ZSWIM7: variants seen among roughly 807,000 people sequenced by gnomAD.
The protein encoded by ZSWIM7 is zinc finger SWIM-type containing 7.
In ZSWIM7, 22 loss-of-function variants were observed where a neutral mutation model predicts 21.1. That is an observed-to-expected ratio of 1.04 (90% confidence interval 0.74 to 1.49). The LOEUF (loss-of-function observed/expected upper bound fraction) is 1.49. Ranked by LOEUF, ZSWIM7 falls within the 40% of genes most tolerant of loss-of-function variation. The probability of loss-of-function intolerance (pLI) is 0.00; values close to 1 mark genes in which losing one functional copy is unlikely to be tolerated. For missense variants in ZSWIM7, 193 were observed against 168.0 expected, an observed-to-expected ratio of 1.15 and a Z score of -0.82; for synonymous variants, 67 against 66.5, an observed-to-expected ratio of 1.01 and a Z score of -0.04.
chr17:15,991,932 T>G (rs1970490971), intron 2 of ZSWIM7, among the ~76,000 whole-genome samples: 1 of 146,600 alleles, frequency 6.8e-6, no homozygotes, highest in South Asian at 2.1e-4. Context: ...TGTTTTGTTT[T>G]GTTTTTTTTT....
chr17:15,990,082 C>T (rs375729346), intron 2 of ZSWIM7, among the ~76,000 whole-genome samples: 13 of 151,868 alleles, frequency 8.6e-5, no homozygotes, highest in South Asian at 2.1e-4. Context: ...TAGCTGGGCA[C>T]GGTAGCAGGC....
At chr17:15,991,536 T>G (rs1970482144) in intron 2 of ZSWIM7, among the ~76,000 whole-genome samples, 2 of 152,174 alleles carry the variant, frequency 1.3e-5, no homozygotes, top group Non-Finnish European at 2.9e-5. Context: ...AGATGAAAAG[T>G]TATGTTATGT....
rs1284117095 is a variant in ZSWIM7, at chr17:15,987,442, C to T, written c.99-74G>A. 4 of 1,217,234 alleles carry T rather than the reference C, an allele frequency of 3.3e-6. No homozygotes were observed. The East Asian group carries it at 7.3e-5, about 22-fold the overall frequency. 75.4% of individuals were successfully genotyped at this position (1,217,234 alleles called of 1,614,324 possible). ...CCTCAGTAACTTGCCCAAAGGATCACTAGACTTAGTATTTTTTAAAAATTC... is the reference window on the plus strand; with the variant it reads ...CCTCAGTAACTTGCCCAAAGGATCATTAGACTTAGTATTTTTTAAAAATTC... On this transcript the variant is annotated intron_variant, in intron 2 of 4. Transcript: ENST00000399277.
chr17:15,987,970 T>C (rs1056729199), intron 2 of ZSWIM7, among the ~76,000 whole-genome samples: 2 of 152,146 alleles, frequency 1.3e-5, no homozygotes, highest in Non-Finnish European at 2.9e-5. Flanking sequence ...TCTTTATACT[T>C]CTCTGTAGTG....
chr17:15,979,196 G>A (rs893317730), intron 4 of ZSWIM7, among the ~76,000 whole-genome samples: 8 of 151,652 alleles, frequency 5.3e-5, no homozygotes, highest in Admixed American at 1.3e-4. Flanking sequence ...GACTCTTAAC[G>A]AGCATGCTGC....
At chr17:15,982,645 A>G (rs1322678616) in intron 3 of ZSWIM7, among the ~76,000 whole-genome samples, 3 of 151,992 alleles carry the variant, frequency 2.0e-5, no homozygotes, top group Non-Finnish European at 4.4e-5. Context: ...TTTTATTAAC[A>G]TTTTTTTTTA....
chr17:15,997,624 G>C (rs185542102), intron 1 of ZSWIM7, among the ~76,000 whole-genome samples: 72 of 152,280 alleles, frequency 4.7e-4, no homozygotes, highest in African/African-American at 1.7e-3. Context: ...ATGGGGGTTA[G>C]GAAGGGTGCA....
intron 1 of ZSWIM7, among the ~76,000 whole-genome samples, chr17:15,998,992 G>C (rs1415768665): frequency 6.6e-6 from 1 of 152,168 alleles, no homozygotes; most frequent in African/African-American, 2.4e-5. Context: ...CTGACCTTAG[G>C]TAATCCAACT....
chr17:15,995,865 GAA>G (rs563310265), intron 1 of ZSWIM7, among the ~76,000 whole-genome samples: 1 of 135,376 alleles, frequency 7.4e-6, no homozygotes, highest in African/African-American at 2.7e-5. Context: ...ACTGTGAAGT[GAA>G]AAAAAAAAAA....
chr17:15,984,826 G>GC (rs1970391336), intron 3 of ZSWIM7, among the ~76,000 whole-genome samples: 1 of 152,086 alleles, frequency 6.6e-6, no homozygotes, highest in African/African-American at 2.4e-5. Context: ...GGGCTGCTTT[G>GC]CCCACTGGGA....
intron 2 of ZSWIM7, among the ~76,000 whole-genome samples, chr17:15,993,353 T>C (rs1440746080): frequency 7.1e-5 from 3 of 42,460 alleles, no homozygotes; most frequent in Admixed American, 4.6e-4. Flanking sequence ...TTTTATTTTA[T>C]TTATTTATTT....
At chr17:15,994,736 C>T (rs1021231577) in intron 1 of ZSWIM7, among the ~76,000 whole-genome samples, 2 of 152,146 alleles carry the variant, frequency 1.3e-5, no homozygotes, top group African/African-American at 4.8e-5. Flanking sequence ...ATAACACAAG[C>T]AATCAGGCCT....
intron 1 of ZSWIM7, among the ~76,000 whole-genome samples, chr17:15,998,716 C>T (rs995743779): frequency 6.6e-6 from 1 of 150,942 alleles, no homozygotes; most frequent in Non-Finnish European, 1.5e-5. Flanking sequence ...TTTACTCCAA[C>T]GATTGCATAT....
chr17:15,984,946 T>C (rs1208384698), intron 3 of ZSWIM7, among the ~76,000 whole-genome samples: 2 of 152,160 alleles, frequency 1.3e-5, no homozygotes, highest in African/African-American at 2.4e-5. Flanking sequence ...TTTGGGGTCA[T>C]TGATACCACA....
At position 15,986,892 on chromosome 17, in the gene ZSWIM7, T is replaced by G. The variant is rs568221815; in HGVS notation, c.201+374A>C. 200 of 154,366 alleles carry G rather than the reference T, an allele frequency of 1.3e-3. 1 individual carries two copies. Among genetic ancestry groups the G allele is most frequent in the Middle Eastern group, 0.01 (3 of 296 alleles). The allele number at this position is 154,366 out of a possible 1,614,324, so 9.6% of individuals were successfully genotyped here. A position where few individuals can be genotyped will look rare whatever the true frequency, so the allele number is the denominator to read the frequency against. ...CTGGGCAACATAGTGAGACCCTGTCTCTATAAAAACCAAGAAAAAGACTGA... is the reference window on the plus strand; with the variant it reads ...CTGGGCAACATAGTGAGACCCTGTCGCTATAAAAACCAAGAAAAAGACTGA... On this transcript the variant is annotated intron_variant, in intron 3 of 4. Transcript: ENST00000399277.
intron 3 of ZSWIM7, among the ~76,000 whole-genome samples, chr17:15,982,507 T>C (rs1970367202): frequency 6.6e-6 from 1 of 152,210 alleles, no homozygotes; most frequent in African/African-American, 2.4e-5. Context: ...TAGGATTCTT[T>C]AATCTTTCTT....
intron 2 of ZSWIM7, among the ~76,000 whole-genome samples, chr17:15,992,768 A>G (rs1381215859): frequency 2.0e-5 from 3 of 152,226 alleles, no homozygotes; most frequent in South Asian, 2.1e-4. Flanking sequence ...ACAATGTTAA[A>G]TAAGAGTGGC....
Position 15,999,567 on chromosome 17 carries a change from C to T in ZSWIM7, c.28G>A (p.Glu10Lys), listed in dbSNP as rs775436672. 13 of 1,588,310 alleles carry T rather than the reference C, an allele frequency of 8.2e-6. No homozygotes were observed. The African/African-American group carries it at 1.5e-4, about 18-fold the overall frequency. The change falls in exon 1 of 5, where the codon GAG becomes AAG. Residue 10 changes from glutamate to lysine, a missense_variant. Physicochemically the swap from Glu to Lys is moderately conservative, Grantham distance 56 (BLOSUM62 1). Coordinates refer to ENST00000399277, the MANE Select transcript of ZSWIM7 (RefSeq NM_001042697.2). Reference protein sequence around the residue: MAVVLPAVVEELLSEMAAAV... With the variant: MAVVLPAVVKELLSEMAAAV... ...GCCGCCATCTCGCTCAGGAGCTCCT[C>T]CACAACCGCCGGCAACACTACGGCC...
chr17:15,980,932 G>A lies in ZSWIM7; in HGVS notation c.306+108C>T, dbSNP rs377311512. 176 of 756,602 alleles carry A rather than the reference G, an allele frequency of 2.3e-4. 1 individual carries two copies. In the South Asian group the frequency reaches 3.4e-3, roughly 15 times the overall value. The allele number at this position is 756,602 out of a possible 1,614,324, so 46.9% of individuals were successfully genotyped here. ...AGACAAAGACAAAAAACTACCATTT[G>A]TTTCAACATATAATAAGATTCCCAT... On this transcript the variant is annotated intron_variant, in intron 4 of 4. Coordinates refer to ENST00000399277, the MANE Select transcript of ZSWIM7 (RefSeq NM_001042697.2).
Sources: allele counts gnomAD v4.1 joint callset (sites outside exome capture counted in the v4.1 genomes callset), GRCh38; gene constraint gnomAD v4.1.1; transcripts MANE v1.5; gene names NCBI Gene and HGNC (gene_info 2026-07-23, HGNC 2026-07-21).